TMEM63C: variants seen among roughly 807,000 people sequenced by gnomAD.
The protein encoded by TMEM63C is osmosensitive cation channel TMEM63C.
TMEM63C carries 32 observed loss-of-function variants against 99.2 expected under a neutral mutation model. That is an observed-to-expected ratio of 0.32 (90% CI 0.24 to 0.43). TMEM63C has a LOEUF of 0.43. Ranked by LOEUF, TMEM63C falls within the 20% of genes least tolerant of loss-of-function variation. TMEM63C has a pLI of 1.00. For missense variants in TMEM63C, 826 were observed against 1,053.0 expected, an observed-to-expected ratio of 0.78 and a Z score of 2.98; for synonymous variants, 376 against 397.9, an observed-to-expected ratio of 0.94 and a Z score of 0.66.
chr14:77,188,496 A>G (rs746829725), intron 1 of TMEM63C, among the ~76,000 whole-genome samples: 1 of 152,246 alleles, frequency 6.6e-6, no homozygotes, highest in Non-Finnish European at 1.5e-5. Context: ...ATCTAGGTAT[A>G]CATTACCTAG....
chr14:77,210,640 G>A (rs936368342), intron 1 of TMEM63C, among the ~76,000 whole-genome samples: 39 of 152,214 alleles, frequency 2.6e-4, no homozygotes, highest in Admixed American at 2.2e-3. Flanking sequence ...GGGTCCCTCC[G>A]TGAGAAGGGG....
intron 1 of TMEM63C, among the ~76,000 whole-genome samples, chr14:77,188,028 C>T (rs1346819343): frequency 1.3e-5 from 2 of 152,198 alleles, no homozygotes; most frequent in Non-Finnish European, 2.9e-5. Context: ...CCCAGCTCGG[C>T]TAAGAACCAT....
chr14:77,206,923 A>G (rs1888412474), intron 1 of TMEM63C, among the ~76,000 whole-genome samples: 1 of 151,986 alleles, frequency 6.6e-6, no homozygotes, highest in Admixed American at 6.6e-5. Context: ...ATTTCATTTA[A>G]CAGCATTGTA....
At chr14:77,204,757 G>C (rs1017190986) in intron 1 of TMEM63C, among the ~76,000 whole-genome samples, 1 of 152,220 alleles carries the variant, frequency 6.6e-6, no homozygotes, top group Non-Finnish European at 1.5e-5. Flanking sequence ...AATGTTTCAT[G>C]TGAGTTGGCT....
intron 10 of TMEM63C, among the ~76,000 whole-genome samples, chr14:77,239,064 AGAG>A (rs1216545706): frequency 6.6e-6 from 1 of 152,212 alleles, no homozygotes; most frequent in Non-Finnish European, 1.5e-5. Flanking sequence ...ACAGCTATTT[AGAG>A]AAGATCATCT....
chr14:77,182,290 C>T (rs1489432901), intron 1 of TMEM63C, among the ~76,000 whole-genome samples: 1 of 152,000 alleles, frequency 6.6e-6, no homozygotes, highest in Non-Finnish European at 1.5e-5. Context: ...CTCTGCCGCC[C>T]ACTCTCTGGG....
intron 21 of TMEM63C, 122 bp from the exon 22 acceptor site, chr14:77,251,667 A>T: frequency 1.4e-6 from 1 of 717,296 alleles, no homozygotes; most frequent in Non-Finnish European, 2.5e-6. Flanking sequence ...AGTTGTTATC[A>T]GAGGAGGACT....
intron 8 of TMEM63C, among the ~76,000 whole-genome samples, chr14:77,233,827 A>T (rs980004945): frequency 6.6e-6 from 1 of 152,000 alleles, no homozygotes; most frequent in African/African-American, 2.4e-5. Flanking sequence ...GAGATTGAAG[A>T]TTGTTTTCCT....
chr14:77,193,157 T>C (rs1888138739), intron 1 of TMEM63C, among the ~76,000 whole-genome samples: 1 of 152,166 alleles, frequency 6.6e-6, no homozygotes, highest in Admixed American at 6.5e-5. Context: ...ATTCAGTCAA[T>C]AAACATGAAA....
chr14:77,229,779 G>T (rs1888902366), intron 6 of TMEM63C, among the ~76,000 whole-genome samples: 1 of 151,732 alleles, frequency 6.6e-6, no homozygotes. Flanking sequence ...ATTGTCTTAG[G>T]TTCAATGAGA....
At chr14:77,256,003 T>C (rs530667310) in intron 23 of TMEM63C, among the ~76,000 whole-genome samples, 1 of 152,340 alleles carries the variant, frequency 6.6e-6, no homozygotes, top group Non-Finnish European at 1.5e-5. Flanking sequence ...GTACATCCTG[T>C]GTTTTTCTAT....
intron 18 of TMEM63C, among the ~76,000 whole-genome samples, chr14:77,247,040 A>C (rs957221580): frequency 6.6e-5 from 10 of 152,152 alleles, no homozygotes; most frequent in Admixed American, 6.5e-4. Flanking sequence ...CCATCCACAG[A>C]GCTTATTCTG....
intron 13 of TMEM63C, among the ~76,000 whole-genome samples, chr14:77,241,524 G>A (rs1395447904): frequency 6.6e-6 from 1 of 152,042 alleles, no homozygotes; most frequent in Non-Finnish European, 1.5e-5. Flanking sequence ...TTCTTTCTGG[G>A]GGAGGCTGAT....
rs370931679 is a variant in TMEM63C at position 77,244,345 on chromosome 14, G to A, written c.1342-4G>A. ...TCCTGCCGTCCTCCCCTCTCCCCCT[G>A]CAGAACCCAATTGTGACCCAGTTCT... On this transcript the variant is annotated splice_region_variant and splice_polypyrimidine_tract_variant and intron_variant, in intron 15 of 23. Transcript: ENST00000298351. The A allele has an allele frequency of 1.3e-4, 202 of 1,612,100 alleles. No individual in the cohort carries two copies. Among genetic ancestry groups the A allele is most frequent in the South Asian group, 1.5e-4 (14 of 91,004 alleles).
intron 7 of TMEM63C, 118 bp downstream of exon 7, chr14:77,231,848 T>G: frequency 8.5e-7 from 1 of 1,181,842 alleles, no homozygotes; most frequent in Non-Finnish European, 1.2e-6. Context: ...TCTGGGAGTT[T>G]GTTGTTGTGT....
intron 1 of TMEM63C, among the ~76,000 whole-genome samples, chr14:77,208,842 A>G (rs1175402950): frequency 2.6e-5 from 4 of 152,212 alleles, no homozygotes; most frequent in African/African-American, 9.7e-5. Context: ...CCTGGCAGAG[A>G]GCAGCAGAAG....
At chr14:77,231,811 G>T in intron 7 of TMEM63C, 81 bp downstream of exon 7, 1 of 1,456,986 alleles carries the variant, frequency 6.9e-7, no homozygotes, top group Non-Finnish European at 9.4e-7. Context: ...TGGGGTTGAG[G>T]GTCTAGACAT....
Position 77,258,359 on chromosome 14 carries a change from GC to G in TMEM63C, c.*1637del, listed in dbSNP as rs1889512687. On this transcript the variant is annotated 3_prime_UTR_variant, in exon 24 of 24. Transcript: ENST00000298351. ...CCTGCCCCACCTTTGCCCCATCCTA[GC>G]CCCAGAAGCTCCAAGCTTCACCGCA... The G allele has an allele frequency of 6.6e-6, 1 of 152,520 alleles. No homozygotes were observed. Among genetic ancestry groups the G allele is most frequent in the Non-Finnish European group, 1.5e-5 (1 of 68,292 alleles). 9.4% of individuals were successfully genotyped at this position (152,520 alleles called of 1,614,324 possible).
rs575095830 is a variant in TMEM63C at position 77,199,784 on chromosome 14, G to T, written c.-76-13662G>T. 3.3e-5 allele frequency among the ~76,000 whole-genome samples: 5 copies of T among 152,308 alleles called. No homozygotes were observed. The East Asian group carries it at 9.6e-4, about 29-fold the overall frequency. The stretch of plus-strand genomic sequence containing the variant: ...ACTCCTTCACCTCCAGCAGGTGTGG[G>T]ACTCATCGAACACTGGCTGAATTGT... On this transcript the variant is annotated intron_variant, in intron 1 of 23. Transcript: ENST00000298351.
Sources: allele counts gnomAD v4.1 joint callset (sites outside exome capture counted in the v4.1 genomes callset), GRCh38; gene constraint gnomAD v4.1.1; transcripts MANE v1.5; gene names NCBI Gene and HGNC (gene_info 2026-07-23, HGNC 2026-07-21).